The following FAM222A variants were observed in gnomAD, a reference collection of about 807,000 sequenced individuals.
FAM222A encodes the protein family with sequence similarity 222 member A, also known as protein FAM222A.
FAM222A carries 7 observed loss-of-function variants against 25.8 expected under a neutral mutation model. The observed-to-expected ratio is 0.27, with a 90% confidence interval of 0.15 to 0.51. FAM222A has a LOEUF of 0.51. Among genes scored for constraint, FAM222A ranks in the 20% least tolerant of loss-of-function variants. The pLI is 0.97. For missense variants in FAM222A, 573 were observed against 640.5 expected (o/e 0.89, Z 1.14); for synonymous variants, 294 against 298.8 (o/e 0.98, Z 0.17).
chr12:109,769,063 G>C lies in FAM222A; in HGVS notation c.1134G>C (p.Arg378=). The change falls in exon 3 of 3, where the codon CGG becomes CGC. Residue 378 remains arginine, a synonymous_variant. Transcript: ENST00000538780. ...CGGAGCTGGGGCCGGGGGCAGCCCG[G>C]GAGCTGGCTGGGCCCCCTGCAGATG... ...VVTELGPGAA[R]ELAGPPADAL... is the part of the protein sequence containing the mutation. The C allele has an allele frequency of 1.3e-6, 2 of 1,595,902 alleles. No individual in the cohort carries two copies. Among genetic ancestry groups the C allele is most frequent in the Non-Finnish European group, 1.7e-6 (2 of 1,172,298 alleles).
In FAM222A at chr12:109,714,745, C is replaced by T. The variant is rs61941857; in HGVS notation, c.-199C>T. The T allele has an allele frequency of 0.025, 3,841 of 152,428 alleles. 130 individuals are homozygous for T. Among genetic ancestry groups the T allele is most frequent in the African/African-American group, 0.07 (2,894 of 41,572 alleles). The allele number at this position is 152,428 out of a possible 1,614,324, so 9.4% of individuals were successfully genotyped here. A position where few individuals can be genotyped will look rare whatever the true frequency, so the allele number is the denominator to read the frequency against. ...CGCAGGCCGGCGCCAGGATAGCCCT[C>T]ACCGACAGCGCCCCTTCCCACCCGG... On this transcript the variant is annotated 5_prime_UTR_variant, in exon 1 of 3. Coordinates refer to ENST00000538780, the MANE Select transcript of FAM222A (RefSeq NM_032829.3). This position sits in a 1 kb window ranked among gnomAD's most constrained non-coding sequence, Gnocchi z 4.2.
chr12:109,735,858 T>C (rs1044175604), intron 1 of FAM222A: 3 of 152,204 alleles, frequency 2.0e-5, no homozygotes, highest in Non-Finnish European at 2.9e-5. Context: ...TGACTGACAA[T>C]TTTCATTAAA....
chr12:109,725,779 G>A (rs558444648), intron 1 of FAM222A, among the ~76,000 whole-genome samples: 15 of 151,998 alleles, frequency 9.9e-5, no homozygotes, highest in South Asian at 6.3e-4. Flanking sequence ...AATCAGGCCC[G>A]GAAAAAAGCC....
chr12:109,757,930 G>A (rs917070031), intron 2 of FAM222A, among the ~76,000 whole-genome samples: 12 of 152,196 alleles, frequency 7.9e-5, no homozygotes, highest in Admixed American at 7.2e-4. Context: ...TGGGGCCCTG[G>A]GTGCAGGCAG....
chr12:109,722,064 CAG>C (rs74969122), intron 1 of FAM222A, among the ~76,000 whole-genome samples: 3,826 of 152,254 alleles, frequency 0.025, 127 homozygotes, highest in African/African-American at 0.069. Flanking sequence ...GGAGCCCTCC[CAG>C]AAAAGATGTC....
chr12:109,734,475 T>C (rs1318048154), intron 1 of FAM222A: 1 of 151,666 alleles, frequency 6.6e-6, no homozygotes, highest in African/African-American at 2.4e-5. Context: ...GTTTCCTGTC[T>C]CTCCCGGCAC....
In FAM222A at chr12:109,714,217, G is replaced by A. The variant is rs938103440; in HGVS notation, c.-727G>A. 7.1e-5 allele frequency: 13 copies of A among 183,960 alleles called. No homozygotes were observed. Among genetic ancestry groups the A allele is most frequent in the African/African-American group, 2.5e-4 (9 of 35,612 alleles). 11.4% of individuals were successfully genotyped at this position (183,960 alleles called of 1,614,324 possible). ...GTCGCCCGCTGCCGCCGCCGCCGCC[G>A]CTGCCGCCGCCGCTGTTCGCCGGCT... is the stretch of plus-strand genomic sequence containing the variant. On this transcript the variant is annotated 5_prime_UTR_variant, in exon 1 of 3. Transcript: ENST00000538780. This position sits in a 1 kb window ranked among gnomAD's most constrained non-coding sequence, Gnocchi z 4.2.
intron 1 of FAM222A, chr12:109,735,910 C>T (rs1161992302): frequency 6.6e-6 from 1 of 152,238 alleles, no homozygotes; most frequent in Non-Finnish European, 1.5e-5. Flanking sequence ...TCAGCCTGCC[C>T]CTGGCTCCAA....
intron 1 of FAM222A, among the ~76,000 whole-genome samples, chr12:109,738,462 A>G (rs2136334210): frequency 6.6e-6 from 1 of 152,296 alleles, no homozygotes; most frequent in East Asian, 1.9e-4. Flanking sequence ...CAGCGTGAAG[A>G]GACTTGAATT....
At chr12:109,764,098 C>G (rs1160034102) in intron 2 of FAM222A, among the ~76,000 whole-genome samples, 2 of 151,654 alleles carry the variant, frequency 1.3e-5, no homozygotes, top group African/African-American at 4.8e-5. Flanking sequence ...GGTGTAGTGG[C>G]ACACCCTTGT....
At chr12:109,740,480 A>G (rs1484281231) in intron 1 of FAM222A, among the ~76,000 whole-genome samples, 1 of 152,106 alleles carries the variant, frequency 6.6e-6, no homozygotes, top group African/African-American at 2.4e-5. Flanking sequence ...GTGCTTGGCC[A>G]GGGGGGTAAT....
chr12:109,762,396 T>G (rs1888923456), intron 2 of FAM222A, among the ~76,000 whole-genome samples: 1 of 152,114 alleles, frequency 6.6e-6, no homozygotes, highest in African/African-American at 2.4e-5. Context: ...GAGAACATAT[T>G]CCAGGTGGAA....
chr12:109,723,751 C>T (rs2136319706), intron 1 of FAM222A, among the ~76,000 whole-genome samples: 1 of 152,380 alleles, frequency 6.6e-6, no homozygotes, highest in Admixed American at 6.5e-5. Flanking sequence ...AGAGCAGGTT[C>T]CTGGGCCTCC....
At chr12:109,758,960 A>G (rs1260711018) in intron 2 of FAM222A, among the ~76,000 whole-genome samples, 1 of 152,224 alleles carries the variant, frequency 6.6e-6, no homozygotes, top group Non-Finnish European at 1.5e-5. Context: ...GTGAACACCT[A>G]CTGTGTGCTT....
At chr12:109,722,264 G>A (rs554785955) in intron 1 of FAM222A, among the ~76,000 whole-genome samples, 13 of 152,308 alleles carry the variant, frequency 8.5e-5, no homozygotes, top group African/African-American at 3.1e-4. Flanking sequence ...AGGAGCCAGG[G>A]CTGGCCTGGA....
chr12:109,756,232 T>C (rs1182618576), intron 2 of FAM222A, among the ~76,000 whole-genome samples: 1 of 152,216 alleles, frequency 6.6e-6, no homozygotes, highest in Non-Finnish European at 1.5e-5. Flanking sequence ...GGACTCATTG[T>C]GAATAAATAG....
intron 2 of FAM222A, among the ~76,000 whole-genome samples, chr12:109,748,668 A>T (rs901828213): frequency 6.6e-6 from 1 of 152,032 alleles, no homozygotes; most frequent in African/African-American, 2.4e-5. Context: ...CATTAGTTTG[A>T]ACTAAACAAT....
chr12:109,740,370 C>T (rs1010747627), intron 1 of FAM222A, among the ~76,000 whole-genome samples: 1 of 152,152 alleles, frequency 6.6e-6, no homozygotes, highest in Non-Finnish European at 1.5e-5. Context: ...TTTTTCCCCT[C>T]CCTGCCCCCC....
At chr12:109,718,371 G>C (rs1366568237) in intron 1 of FAM222A, among the ~76,000 whole-genome samples, 1 of 147,242 alleles carries the variant, frequency 6.8e-6, no homozygotes, top group East Asian at 2.0e-4. Flanking sequence ...GGACTTGGCC[G>C]GGGGTCCCTC....
Sources: allele counts gnomAD v4.1 joint callset (sites outside exome capture counted in the v4.1 genomes callset), GRCh38; gene constraint gnomAD v4.1.1; non-coding constraint Gnocchi (gnomAD v3.1); transcripts MANE v1.5; gene names NCBI Gene and HGNC (gene_info 2026-07-23, HGNC 2026-07-21).